The following CCDC178 variants were observed in gnomAD, a reference collection of about 807,000 sequenced individuals.
CCDC178 encodes coiled-coil domain containing 178.
CCDC178 carries 126 observed loss-of-function variants against 117.4 expected under a neutral mutation model. The observed-to-expected ratio is 1.07, with a 90% confidence interval of 0.93 to 1.24. CCDC178 has a LOEUF of 1.24. Ranked by LOEUF, CCDC178 falls within the 50% of genes most tolerant of loss-of-function variation. The pLI, the probability that CCDC178 is intolerant of heterozygous loss-of-function variation, is 0.00. For missense variants in CCDC178, 1,030 were observed against 986.9 expected (o/e 1.04, Z -0.59); for synonymous variants, 283 against 313.4 (o/e 0.90, Z 1.02).
intron 12 of CCDC178, among the ~76,000 whole-genome samples, chr18:33,287,769 A>AATAATGAATGAATAAATATATTATT (rs1390198267): frequency 3.5e-4 from 53 of 152,294 alleles, no homozygotes; most frequent in African/African-American, 1.3e-3. Flanking sequence ...ACAGAGAGAG[A>AATAATGAATGAATAAATATATTATT]CACCGTCTCA....
rs556942631 is a variant in CCDC178 at position 33,271,278 on chromosome 18, T to C, written c.1177-3981A>G. On this transcript the variant is annotated intron_variant, in intron 12 of 22. Coordinates refer to ENST00000383096, the MANE Select transcript of CCDC178 (RefSeq NM_001105528.4). ...CATTAAATGTAAATAAATTAAACCC[T>C]CTAATTAAAGTATAGAGATTGACGG... 2.6e-5 allele frequency among the ~76,000 whole-genome samples: 4 copies of C among 151,494 alleles called. No individual in the cohort carries two copies. The South Asian group carries it at 8.3e-4, about 31-fold the overall frequency.
At chr18:33,268,917 T>G (rs1249863359) in intron 12 of CCDC178, among the ~76,000 whole-genome samples, 2 of 151,748 alleles carry the variant, frequency 1.3e-5, no homozygotes, top group East Asian at 3.9e-4. Flanking sequence ...GTAAGAAGAG[T>G]GCACTTTGTG....
At chr18:33,098,398 G>C (rs1214511058) in intron 20 of CCDC178, among the ~76,000 whole-genome samples, 1 of 151,994 alleles carries the variant, frequency 6.6e-6, no homozygotes, top group Non-Finnish European at 1.5e-5. Flanking sequence ...TATTGTAAGA[G>C]AGCTGTCATC....
chr18:33,336,505 T>A (rs1203192452), intron 9 of CCDC178, among the ~76,000 whole-genome samples: 1 of 152,130 alleles, frequency 6.6e-6, no homozygotes, highest in African/African-American at 2.4e-5. Flanking sequence ...TTTGAAGAAC[T>A]AAACTACATG....
chr18:33,130,963 G>T (rs542875696), intron 20 of CCDC178, among the ~76,000 whole-genome samples: 1 of 151,936 alleles, frequency 6.6e-6, no homozygotes, highest in South Asian at 2.1e-4. Flanking sequence ...GATTTAGCTG[G>T]GATGGGGAAG....
chr18:33,289,652 T>G (rs1193495528), intron 12 of CCDC178, among the ~76,000 whole-genome samples: 2 of 152,008 alleles, frequency 1.3e-5, no homozygotes, highest in Non-Finnish European at 2.9e-5. Flanking sequence ...AAAACTTTTT[T>G]AAAAAAAGAT....
Position 33,157,475 on chromosome 18 carries a change from T to A in CCDC178, c.2238+54421A>T, listed in dbSNP as rs1455417280. Among the ~76,000 whole-genome samples the A allele has an allele frequency of 3.3e-5, 5 of 152,202 alleles. No homozygotes were observed. The South Asian group carries it at 8.3e-4, about 25-fold the overall frequency. On this transcript the variant is annotated intron_variant, in intron 20 of 22. Coordinates refer to ENST00000383096, the MANE Select transcript of CCDC178 (RefSeq NM_001105528.4). The stretch of plus-strand genomic sequence containing the variant: ...ATGAAATAGTTTGGAATGATATTAA[T>A]ACAGACCAAAATGTTAGAAAATATT...
intron 22 of CCDC178, among the ~76,000 whole-genome samples, chr18:32,949,145 T>C (rs983033370): frequency 2.6e-5 from 4 of 152,110 alleles, no homozygotes; most frequent in Non-Finnish European, 4.4e-5. Context: ...ACATTACATG[T>C]CTATTTTTAT....
chr18:33,138,639 G>A (rs1424277533), intron 20 of CCDC178, among the ~76,000 whole-genome samples: 1 of 152,178 alleles, frequency 6.6e-6, no homozygotes, highest in Non-Finnish European at 1.5e-5. Context: ...TATGTTAAGT[G>A]CTATGTCAAG....
chr18:33,219,375 T>A (rs1568065170), intron 18 of CCDC178, among the ~76,000 whole-genome samples: 1 of 152,132 alleles, frequency 6.6e-6, no homozygotes, highest in Non-Finnish European at 1.5e-5. Context: ...TGGCAATTCC[T>A]CAAGGATCTA....
At chr18:33,016,401 A>G (rs1373468902) in intron 21 of CCDC178, among the ~76,000 whole-genome samples, 1 of 151,776 alleles carries the variant, frequency 6.6e-6, no homozygotes, top group Non-Finnish European at 1.5e-5. Context: ...GACTAAAATG[A>G]AAAAATATTA....
intron 22 of CCDC178, among the ~76,000 whole-genome samples, chr18:32,946,529 ACT>A (rs1367726773): frequency 1.3e-5 from 2 of 152,152 alleles, no homozygotes; most frequent in Non-Finnish European, 2.9e-5. Context: ...GTTTCTATAT[ACT>A]GATCCTCAAA....
At chr18:33,396,007 T>A (rs933615362) in intron 4 of CCDC178, among the ~76,000 whole-genome samples, 1 of 151,860 alleles carries the variant, frequency 6.6e-6, no homozygotes, top group Non-Finnish European at 1.5e-5. Context: ...ATAAATAGAT[T>A]AAAAATAAAA....
chr18:33,379,438 G>C (rs1484167899), intron 5 of CCDC178, among the ~76,000 whole-genome samples: 3 of 147,444 alleles, frequency 2.0e-5, no homozygotes, highest in Non-Finnish European at 3.1e-5. Context: ...TTGTTTACTG[G>C]GAGAAGCTCT....
chr18:33,003,055 A>G (rs905863091), intron 21 of CCDC178, among the ~76,000 whole-genome samples: 2 of 152,160 alleles, frequency 1.3e-5, no homozygotes, highest in African/African-American at 2.4e-5. Context: ...AGCAAAGAAA[A>G]GCCTGGGACC....
At chr18:32,994,364 CA>C (rs1451668548) in intron 21 of CCDC178, among the ~76,000 whole-genome samples, 7 of 152,232 alleles carry the variant, frequency 4.6e-5, no homozygotes, top group South Asian at 2.1e-4. Context: ...AGACAAAAGT[CA>C]AAACACCAAA....
At chr18:33,342,261 A>C (rs7242464) in intron 9 of CCDC178, among the ~76,000 whole-genome samples, 65,194 of 151,700 alleles carry the variant, frequency 0.43, 15,527 homozygotes, top group African/African-American at 0.65. Context: ...GCTTATTGGA[A>C]TTCTACAGAA....
chr18:33,191,029 A>T (rs1343302985), intron 20 of CCDC178, among the ~76,000 whole-genome samples: 2 of 152,188 alleles, frequency 1.3e-5, no homozygotes, highest in African/African-American at 4.8e-5. Context: ...TGATGGTTTC[A>T]GTAATTATAT....
intron 20 of CCDC178, among the ~76,000 whole-genome samples, chr18:33,118,552 C>A (rs1007771482): frequency 2.0e-5 from 3 of 152,046 alleles, no homozygotes; most frequent in South Asian, 2.1e-4. Flanking sequence ...AGGACACAAA[C>A]AAATGGAAGA....
Sources: gnomAD v4.1 joint callset for allele counts (sites outside exome capture counted in the v4.1 genomes callset) on GRCh38, gnomAD v4.1.1 for gene constraint, MANE v1.5 for transcripts, NCBI Gene and HGNC (gene_info 2026-07-23, HGNC 2026-07-21) for gene names.